The following EYS variants were observed in gnomAD, a reference collection of about 807,000 sequenced individuals.
EYS encodes EGF-like photoreceptor maintenance factor, also known as protein eyes shut homolog.
EYS carries 250 observed loss-of-function variants against 282.1 expected under a neutral mutation model. The observed-to-expected ratio is 0.89, with a 90% CI of 0.80 to 0.98. The LOEUF (loss-of-function observed/expected upper bound fraction) is 0.98, where lower values mean the gene tolerates loss of function less well. Ranked by LOEUF, EYS falls within the 50% of genes least tolerant of loss-of-function variation. The pLI is 0.00. For missense variants in EYS, 4,016 were observed against 3,709.0 expected (o/e 1.08, Z -2.15); for synonymous variants, 1,355 against 1,282.9 (o/e 1.06, Z -1.20).
At chr6:65,683,793 T>A (rs1347480585) in intron 1 of EYS, among the ~76,000 whole-genome samples, 15 of 152,008 alleles carry the variant, frequency 9.9e-5, no homozygotes, top group Admixed American at 9.9e-4. Flanking sequence ...GTCTAGGACA[T>A]ATACTCAGCA....
intron 2 of EYS, among the ~76,000 whole-genome samples, chr6:65,586,048 T>C (rs1256206061): frequency 1.3e-5 from 2 of 152,020 alleles, no homozygotes; most frequent in South Asian, 4.1e-4. Context: ...GCCACTCACT[T>C]ATTTGGTGGT....
intron 15 of EYS, among the ~76,000 whole-genome samples, chr6:64,940,337 G>A (rs1263193340): frequency 1.3e-5 from 2 of 151,912 alleles, no homozygotes; most frequent in South Asian, 4.1e-4. Flanking sequence ...CACACATACA[G>A]AAACGCATAT....
At chr6:65,281,536 CTG>C (rs1195000083) in intron 12 of EYS, among the ~76,000 whole-genome samples, 1 of 152,140 alleles carries the variant, frequency 6.6e-6, no homozygotes, top group South Asian at 2.1e-4. Context: ...CAGTATAACT[CTG>C]TGAATGCTTG....
intron 19 of EYS, among the ~76,000 whole-genome samples, chr6:64,840,558 G>A (rs373847175): frequency 6.6e-6 from 1 of 152,156 alleles, no homozygotes; most frequent in African/African-American, 2.4e-5. Flanking sequence ...AGAGGACTTC[G>A]AAACTAATGG....
intron 30 of EYS, among the ~76,000 whole-genome samples, chr6:64,261,177 C>T (rs1767574883): frequency 6.6e-6 from 1 of 151,858 alleles, no homozygotes; most frequent in African/African-American, 2.4e-5. Flanking sequence ...CCGGCCCGCC[C>T]CGACCAACCC....
chr6:65,339,928 G>C (rs1007190420), intron 10 of EYS, among the ~76,000 whole-genome samples: 1 of 150,998 alleles, frequency 6.6e-6, no homozygotes, highest in Non-Finnish European at 1.5e-5. Context: ...ATTTTTTAAA[G>C]TACATCCTAT....
At chr6:65,688,683 A>T (rs552996769) in intron 1 of EYS, among the ~76,000 whole-genome samples, 2 of 152,206 alleles carry the variant, frequency 1.3e-5, no homozygotes, top group Non-Finnish European at 2.9e-5. Flanking sequence ...ACAAGAAAAA[A>T]ACAAACAACC....
At chr6:65,638,774 C>T (rs1486142942) in intron 2 of EYS, among the ~76,000 whole-genome samples, 3 of 152,210 alleles carry the variant, frequency 2.0e-5, no homozygotes, top group Non-Finnish European at 2.9e-5. Context: ...CCTTGGCCGG[C>T]GTGGGATCCT....
intron 35 of EYS, among the ~76,000 whole-genome samples, chr6:63,966,631 T>G (rs1042992684): frequency 2.0e-5 from 3 of 152,202 alleles, no homozygotes; most frequent in African/African-American, 7.2e-5. Context: ...CTGCCTGAAG[T>G]TTAATCCCTG....
At chr6:63,726,136 A>T (rs1250137393) in intron 42 of EYS, among the ~76,000 whole-genome samples, 1 of 152,162 alleles carries the variant, frequency 6.6e-6, no homozygotes, top group Non-Finnish European at 1.5e-5. Context: ...CTTAAAGAGA[A>T]TTTTTGGAGC....
intron 41 of EYS, chr6:63,744,896 T>G (rs751621193): frequency 3.2e-6 from 1 of 313,402 alleles, no homozygotes; most frequent in Non-Finnish European, 6.2e-6. Flanking sequence ...ATAAATCCAA[T>G]AGTTGACTTT....
At chr6:64,599,807 T>C (rs1766706156) in intron 24 of EYS, among the ~76,000 whole-genome samples, 1 of 152,172 alleles carries the variant, frequency 6.6e-6, no homozygotes, top group Non-Finnish European at 1.5e-5. Context: ...ACTTTTGATA[T>C]ATGAAACATC....
At chr6:65,151,254 C>T (rs7738259) in intron 12 of EYS, among the ~76,000 whole-genome samples, 39,049 of 151,816 alleles carry the variant, frequency 0.26, 5,356 homozygotes, top group African/African-American at 0.35. Context: ...GTAATTGTAT[C>T]GAAAACTCTG....
At chr6:65,181,844 G>T (rs1180117686) in intron 12 of EYS, among the ~76,000 whole-genome samples, 1 of 152,078 alleles carries the variant, frequency 6.6e-6, no homozygotes, top group Admixed American at 6.6e-5. Context: ...TTAAGAAAAT[G>T]TGTCACATAT....
chr6:63,991,195 C>T (rs1767588226), intron 34 of EYS, among the ~76,000 whole-genome samples: 1 of 151,616 alleles, frequency 6.6e-6, no homozygotes, highest in Non-Finnish European at 1.5e-5. Context: ...AAGACACATC[C>T]ATAGGAAACA....
intron 22 of EYS, among the ~76,000 whole-genome samples, chr6:64,641,338 C>T (rs1335955245): frequency 1.3e-5 from 2 of 152,122 alleles, no homozygotes. Context: ...GAACCTCCAC[C>T]ATAATTCAAT....
intron 14 of EYS, among the ~76,000 whole-genome samples, chr6:64,988,736 G>T (rs867392672): frequency 1.3e-5 from 2 of 151,604 alleles, no homozygotes; most frequent in Non-Finnish European, 3.0e-5. Flanking sequence ...ATATTGTTAA[G>T]AGTTAGCAGT....
At chr6:64,320,526 T>C (rs1770175908) in intron 29 of EYS, among the ~76,000 whole-genome samples, 1 of 151,934 alleles carries the variant, frequency 6.6e-6, no homozygotes, top group African/African-American at 2.4e-5. Flanking sequence ...TTTCACTTTA[T>C]TAGTTGACTT....
At chr6:64,570,532 G>A (rs149264154) in intron 26 of EYS, among the ~76,000 whole-genome samples, 2,366 of 152,042 alleles carry the variant, frequency 0.016, 58 homozygotes, top group African/African-American at 0.055. Flanking sequence ...ATGGGTGTGC[G>A]GTATTCAGGA....
Sources: gnomAD v4.1 joint callset for allele counts (sites outside exome capture counted in the v4.1 genomes callset) on GRCh38, gnomAD v4.1.1 for gene constraint, MANE v1.5 for transcripts, NCBI Gene and HGNC (gene_info 2026-07-23, HGNC 2026-07-21) for gene names.